The following GRM7 variants were observed in gnomAD, a reference collection of about 807,000 sequenced individuals.
GRM7 encodes the protein metabotropic glutamate receptor 7.
A neutral mutation model predicts 84.5 loss-of-function variants in GRM7; 35 were observed. The observed-to-expected ratio is 0.41, with a 90% confidence interval of 0.32 to 0.55. GRM7 has a LOEUF of 0.55. Among genes scored for constraint, GRM7 ranks in the 20% least tolerant of loss-of-function variants. The pLI is 0.19. For missense variants in GRM7, 1,003 were observed against 1,194.6 expected, an observed-to-expected ratio of 0.84 and a Z score of 2.36; for synonymous variants, 487 against 455.1, an observed-to-expected ratio of 1.07 and a Z score of -0.89.
intron 1 of GRM7, among the ~76,000 whole-genome samples, chr3:6,961,416 T>G (rs1693291917): frequency 6.6e-6 from 1 of 152,116 alleles, no homozygotes; most frequent in South Asian, 2.1e-4. Flanking sequence ...TGGCAAACCC[T>G]CTCATAACTC....
chr3:7,138,076 A>G (rs1448307719), intron 1 of GRM7, among the ~76,000 whole-genome samples: 1 of 152,082 alleles, frequency 6.6e-6, no homozygotes, highest in Non-Finnish European at 1.5e-5. Flanking sequence ...ATATAATTTT[A>G]TATAAAAATG....
At chr3:7,174,598 G>A (rs1024030703) in intron 2 of GRM7, among the ~76,000 whole-genome samples, 2 of 152,242 alleles carry the variant, frequency 1.3e-5, no homozygotes, top group South Asian at 4.2e-4. Flanking sequence ...GGGATGCCTT[G>A]GTCAGTAGTC....
At position 7,726,660 on chromosome 3, in the gene GRM7, T is replaced by C. The variant is rs1351054587; in HGVS notation, c.2699-13697T>C. On this transcript the variant is annotated intron_variant, in intron 9 of 9. Transcript: ENST00000357716. ...ATATATATATATATATATATATATATATATAGGTTTTCCCCATTAGCTGTT... is the reference window on the plus strand; with the variant it reads ...ATATATATATATATATATATATATACATATAGGTTTTCCCCATTAGCTGTT... Among the ~76,000 whole-genome samples the C allele has an allele frequency of 3.9e-5, 4 of 102,036 alleles. No homozygotes were observed. The East Asian group carries it at 1.1e-3, about 28-fold the overall frequency. 66.9% of individuals were successfully genotyped at this position (102,036 alleles called of 152,430 possible).
intron 4 of GRM7, among the ~76,000 whole-genome samples, chr3:7,413,950 C>T (rs894251767): frequency 6.6e-5 from 10 of 152,110 alleles, no homozygotes; most frequent in African/African-American, 2.4e-4. Context: ...ACTCACTGCC[C>T]TATAGGATGG....
chr3:7,388,993 A>G (rs974548322), intron 4 of GRM7, among the ~76,000 whole-genome samples: 1 of 152,056 alleles, frequency 6.6e-6, no homozygotes, highest in African/African-American at 2.4e-5. Context: ...AGATATTTCT[A>G]TATTCTTAAT....
chr3:6,964,167 T>C (rs1267265076), intron 1 of GRM7, among the ~76,000 whole-genome samples: 2 of 152,190 alleles, frequency 1.3e-5, no homozygotes, highest in Non-Finnish European at 2.9e-5. Flanking sequence ...ATCTCTCCTG[T>C]CTCAGTCAGC....
At chr3:7,686,991 C>T (rs1405491963) in intron 9 of GRM7, among the ~76,000 whole-genome samples, 2 of 152,090 alleles carry the variant, frequency 1.3e-5, no homozygotes, top group Non-Finnish European at 2.9e-5. Flanking sequence ...GTCTTGGTTC[C>T]TTCTCTGCAG....
chr3:7,552,077 C>T (rs1693504907), intron 7 of GRM7, among the ~76,000 whole-genome samples: 1 of 152,160 alleles, frequency 6.6e-6, no homozygotes, highest in Non-Finnish European at 1.5e-5. Context: ...TCCCATAATT[C>T]AATTAACTCC....
intron 5 of GRM7, among the ~76,000 whole-genome samples, chr3:7,435,446 G>A (rs1208946530): frequency 1.3e-5 from 2 of 151,814 alleles, no homozygotes; most frequent in East Asian, 1.9e-4. Flanking sequence ...ATGAGCCATT[G>A]TGCCCAGCTA....
At chr3:6,986,775 T>C (rs1465966495) in intron 1 of GRM7, among the ~76,000 whole-genome samples, 1 of 152,144 alleles carries the variant, frequency 6.6e-6, no homozygotes, top group Non-Finnish European at 1.5e-5. Context: ...ACAGCCCTCC[T>C]TCCATGTTTC....
intron 1 of GRM7, among the ~76,000 whole-genome samples, chr3:6,865,905 A>G (rs1443053401): frequency 6.6e-6 from 1 of 152,194 alleles, no homozygotes; most frequent in Non-Finnish European, 1.5e-5. Context: ...TGCCATTTGG[A>G]ATAGTCTCTA....
chr3:7,529,188 G>A lies in GRM7; in HGVS notation c.1516-49234G>A, dbSNP rs916094734. 5.0e-4 allele frequency among the ~76,000 whole-genome samples: 76 copies of A among 152,112 alleles called. 1 individual carries two copies. Among genetic ancestry groups the A allele is most frequent in the African/African-American group, 1.7e-3 (70 of 41,498 alleles). ...AGTTCGAGAGCCTTTTATTATGAGC[G>A]TCTTATTGTCTAGAATAGTGCCAAG... On this transcript the variant is annotated intron_variant, in intron 7 of 9. Coordinates refer to ENST00000357716, the MANE Select transcript of GRM7 (RefSeq NM_000844.4).
chr3:7,289,932 CA>C (rs1699561754), intron 2 of GRM7, among the ~76,000 whole-genome samples: 3 of 151,758 alleles, frequency 2.0e-5, no homozygotes, highest in Admixed American at 2.0e-4. Context: ...GGGTGCAGCA[CA>C]CCAACATGGC....
chr3:7,607,613 T>C (rs781364840), intron 8 of GRM7: 2 of 151,726 alleles, frequency 1.3e-5, no homozygotes, highest in African/African-American at 2.4e-5. Context: ...GTAACCAAAG[T>C]AAATAGCCAC....
intron 1 of GRM7, among the ~76,000 whole-genome samples, chr3:7,013,356 A>G (rs1006699982): frequency 6.6e-6 from 1 of 152,032 alleles, no homozygotes; most frequent in Non-Finnish European, 1.5e-5. Flanking sequence ...TTGTTAACTC[A>G]TGGTTTTTCC....
chr3:7,139,025 TA>T (rs1197362533), intron 1 of GRM7, among the ~76,000 whole-genome samples: 1 of 147,932 alleles, frequency 6.8e-6, no homozygotes, highest in African/African-American at 2.5e-5. Flanking sequence ...TCTATATTAC[TA>T]TATATAGTAT....
chr3:7,589,029 A>G (rs1295966840), intron 8 of GRM7, among the ~76,000 whole-genome samples: 2 of 152,192 alleles, frequency 1.3e-5, no homozygotes, highest in Admixed American at 6.5e-5. Flanking sequence ...GGCTGGCGAA[A>G]TCTGCCTTCC....
chr3:7,460,393 T>A (rs574749370), intron 6 of GRM7, among the ~76,000 whole-genome samples: 1 of 151,956 alleles, frequency 6.6e-6, no homozygotes, highest in Non-Finnish European at 1.5e-5. Context: ...ATAAACAATT[T>A]TTTTTTTTAT....
chr3:7,463,002 G>A (rs1304286651), intron 7 of GRM7, among the ~76,000 whole-genome samples: 3 of 149,324 alleles, frequency 2.0e-5, no homozygotes, highest in Admixed American at 1.3e-4. Context: ...TAAACTCAAG[G>A]TGGGGGAGTA....
Sources: allele counts gnomAD v4.1 joint callset (sites outside exome capture counted in the v4.1 genomes callset), GRCh38; gene constraint gnomAD v4.1.1; transcripts MANE v1.5; gene names NCBI Gene and HGNC (gene_info 2026-07-23, HGNC 2026-07-21).